Variants in USP13 observed in about 807,000 individuals in gnomAD.
USP13 encodes the protein ubiquitin specific peptidase 13.
Under a neutral mutation model 107.8 loss-of-function variants are expected in USP13, and 68 were observed. The observed-to-expected ratio is 0.63, with a 90% confidence interval of 0.52 to 0.77. USP13 has a LOEUF of 0.77. Ranked by LOEUF, USP13 falls within the 30% of genes least tolerant of loss-of-function variation. The pLI is 0.00. For synonymous variants in USP13, 377 were observed against 389.5 expected (o/e 0.97, Z 0.38); for missense variants, 945 against 1,093.3 (o/e 0.86, Z 1.91).
At chr3:179,681,755 G>C in intron 1 of USP13, 123 bp from the exon 2 acceptor site, 2 of 1,258,520 alleles carry the variant, frequency 1.6e-6, no homozygotes, top group Non-Finnish European at 2.2e-6. Flanking sequence ...ATCACAGCAG[G>C]AGCCTCGGTG....
At chr3:179,775,486 G>A (rs1003049465) in intron 19 of USP13, among the ~76,000 whole-genome samples, 2 of 152,270 alleles carry the variant, frequency 1.3e-5, no homozygotes, top group Non-Finnish European at 2.9e-5. Flanking sequence ...GGCCGTGGGT[G>A]GAGCTGCCCG....
At position 179,678,170 on chromosome 3, in the gene USP13, A is replaced by G. The variant is rs1711532174; in HGVS notation, c.169-3708A>G. 6.6e-6 allele frequency among the ~76,000 whole-genome samples: 1 copy of G among 152,198 alleles called. No individual in the cohort carries two copies. Among genetic ancestry groups the G allele is most frequent in the Admixed American group, 6.5e-5 (1 of 15,272 alleles). ...TTTTCCCCAGTAAATCTTCTGGTTC[A>G]AATTCATTGACTGAATTACATTTTA... On this transcript the variant is annotated intron_variant, in intron 1 of 20. Transcript: ENST00000263966. The surrounding 1 kb of genome is among the most constrained non-coding windows in gnomAD (Gnocchi z 4.2).
At chr3:179,738,081 C>T (rs1714056469) in intron 10 of USP13, among the ~76,000 whole-genome samples, 1 of 152,240 alleles carries the variant, frequency 6.6e-6, no homozygotes, top group African/African-American at 2.4e-5. Context: ...TGTCATCGTC[C>T]CCAGACTATA....
chr3:179,773,618 A>G (rs1246858830), intron 19 of USP13, among the ~76,000 whole-genome samples: 1 of 152,230 alleles, frequency 6.6e-6, no homozygotes, highest in Non-Finnish European at 1.5e-5. Context: ...CACATATCAC[A>G]GATTTTAAAA....
At chr3:179,730,585 C>CTTTTTG (rs2108504421) in intron 9 of USP13, 31 bp from the exon 10 acceptor site, 3 of 1,567,196 alleles carry the variant, frequency 1.9e-6, no homozygotes, top group African/African-American at 1.4e-5. Flanking sequence ...CAACAATGAC[C>CTTTTTG]TTTTTGTTTC....
intron 18 of USP13, among the ~76,000 whole-genome samples, chr3:179,765,224 A>AT (rs1715134518): frequency 6.6e-6 from 1 of 152,230 alleles, no homozygotes; most frequent in African/African-American, 2.4e-5. Flanking sequence ...TTTTACCAAC[A>AT]TTCCAGGAGA....
intron 3 of USP13, among the ~76,000 whole-genome samples, chr3:179,700,501 A>G (rs1221794440): frequency 6.6e-6 from 1 of 152,200 alleles, no homozygotes; most frequent in Non-Finnish European, 1.5e-5. Context: ...TGACTTGCCC[A>G]AAGTAACATT....
chr3:179,695,062 G>A (rs1378926624), intron 3 of USP13, among the ~76,000 whole-genome samples: 1 of 152,178 alleles, frequency 6.6e-6, no homozygotes, highest in Admixed American at 6.5e-5. Flanking sequence ...GTATTGGGAG[G>A]CAGCTAGTAG....
intron 4 of USP13, among the ~76,000 whole-genome samples, chr3:179,701,874 GT>G (rs1257672690): frequency 6.6e-6 from 1 of 152,162 alleles, no homozygotes; most frequent in Non-Finnish European, 1.5e-5. Context: ...GCCAGGTTTT[GT>G]TTTCCTTCGA....
At position 179,653,075 on chromosome 3, in the gene USP13, C is replaced by A; in HGVS notation, c.-151C>A. The A allele has an allele frequency of 1.6e-6, 1 of 623,570 alleles. No individual in the cohort carries two copies. The highest frequency in any genetic ancestry group is 2.0e-6 in the Non-Finnish European group (1 of 500,584). 38.6% of individuals were successfully genotyped at this position (623,570 alleles called of 1,614,324 possible). A position where few individuals can be genotyped will look rare whatever the true frequency, so the allele number is the denominator to read the frequency against. On this transcript the variant is annotated 5_prime_UTR_variant, in exon 1 of 21. Transcript: ENST00000263966. This position sits in a 1 kb window ranked among gnomAD's most constrained non-coding sequence, Gnocchi z 4.0. ...AAGCCCGCGGTGCCCGCTCCCGCCC[C>A]GCAGCCCGCTCTCCCCGCCCGCCCC...
chr3:179,770,678 A>G (rs536895589), intron 19 of USP13, among the ~76,000 whole-genome samples: 2 of 151,928 alleles, frequency 1.3e-5, no homozygotes, highest in Non-Finnish European at 2.9e-5. Context: ...CATCTCAGCA[A>G]ACTGCAACCT....
In USP13 at chr3:179,659,404, G is replaced by C. The variant is rs76045189; in HGVS notation, c.168+6011G>C. Among the ~76,000 whole-genome samples the C allele has an allele frequency of 2.1e-4, 32 of 152,280 alleles. 1 individual carries two copies. In the East Asian group the frequency reaches 6.2e-3, roughly 29 times the overall value. On this transcript the variant is annotated intron_variant, in intron 1 of 20. Transcript: ENST00000263966. ...TCAAAGCGTGCTCCCTGAACCAGCA[G>C]CACTAGCATGTCTTGGGAACTGCTA...
intron 18 of USP13, among the ~76,000 whole-genome samples, chr3:179,764,381 ATC>A (rs1715108326): frequency 6.6e-6 from 1 of 152,226 alleles, no homozygotes; most frequent in Admixed American, 6.5e-5. Context: ...AGATAAATAA[ATC>A]TGGGGTAATA....
At position 179,761,756 on chromosome 3, in the gene USP13, A is replaced by AC. The variant is rs1447306171; in HGVS notation, c.2092+505dup. On this transcript the variant is annotated intron_variant, in intron 17 of 20. Transcript: ENST00000263966. ...AACAAACAAAAAAACAACAAAAAAA[A>AC]CCCCAAACAGCTTTATTGAGATATA... 2.0e-5 allele frequency among the ~76,000 whole-genome samples: 3 copies of AC among 151,856 alleles called. No individual in the cohort carries two copies. The East Asian group carries it at 5.8e-4, about 29-fold the overall frequency.
intron 1 of USP13, among the ~76,000 whole-genome samples, chr3:179,660,399 C>A (rs1720423857): frequency 6.6e-6 from 1 of 152,212 alleles, no homozygotes; most frequent in South Asian, 2.1e-4. Context: ...TCGTGTCTGG[C>A]TTATTTCATT....
At chr3:179,746,892 A>G (rs903703040) in intron 13 of USP13, among the ~76,000 whole-genome samples, 2 of 152,130 alleles carry the variant, frequency 1.3e-5, no homozygotes, top group Non-Finnish European at 2.9e-5. Context: ...TTCTCTGTGA[A>G]ACCCCTCCCT....
In USP13 at chr3:179,714,854, C is replaced by A. The variant is rs1004016271; in HGVS notation, c.806-5086C>A. Reference sequence around the variant, plus strand: ...AGGTTTTGTCTGTCCTGGCGGTTCTCTTTCTTTTCCTTTTTCTTTTTTTTT... The same window carrying A: ...AGGTTTTGTCTGTCCTGGCGGTTCTATTTCTTTTCCTTTTTCTTTTTTTTT... On this transcript the variant is annotated intron_variant, in intron 6 of 20. Transcript: ENST00000263966. Among the ~76,000 whole-genome samples, 45 of 143,130 alleles carry A rather than the reference C, an allele frequency of 3.1e-4. 1 individual carries two copies. The highest frequency in any genetic ancestry group is 1.7e-3 in the East Asian group (8 of 4,824). The allele number at this position is 143,130 out of a possible 152,430, so 93.9% of individuals were successfully genotyped here.
chr3:179,678,824 T>C lies in USP13; in HGVS notation c.169-3054T>C, dbSNP rs962311016. 1.8e-4 allele frequency among the ~76,000 whole-genome samples: 28 copies of C among 152,360 alleles called. No individual in the cohort carries two copies. The highest frequency in any genetic ancestry group is 6.7e-4 in the African/African-American group (28 of 41,590). On this transcript the variant is annotated intron_variant, in intron 1 of 20. Coordinates refer to ENST00000263966, the MANE Select transcript of USP13 (RefSeq NM_003940.3). This position sits in a 1 kb window ranked among gnomAD's most constrained non-coding sequence, Gnocchi z 4.2. ...CTGCAGTTGACTCTGGTCTATTAAC[T>C]TGTATCCTGTGATCTTGCTAAATTC...
intron 5 of USP13, 57 bp from the exon 6 acceptor site, chr3:179,708,716 T>A: frequency 1.3e-6 from 2 of 1,592,414 alleles, no homozygotes; most frequent in Non-Finnish European, 1.7e-6. Flanking sequence ...TCTTCTTAGA[T>A]GTTAAGTTTT....
Sources: allele counts gnomAD v4.1 joint callset (sites outside exome capture counted in the v4.1 genomes callset), GRCh38; gene constraint gnomAD v4.1.1; non-coding constraint Gnocchi (gnomAD v3.1); transcripts MANE v1.5; gene names NCBI Gene and HGNC (gene_info 2026-07-23, HGNC 2026-07-21).